Variants in NRXN3 observed in about 807,000 individuals in gnomAD.
The protein encoded by NRXN3 is neurexin III.
Under a neutral mutation model 137.6 loss-of-function variants are expected in NRXN3, and 32 were observed. The observed-to-expected ratio is 0.23, with a 90% CI of 0.18 to 0.31. The LOEUF (loss-of-function observed/expected upper bound fraction) is 0.31. Among genes scored for constraint, NRXN3 ranks in the 10% least tolerant of loss-of-function variants. The pLI is 1.00. For missense variants in NRXN3, 1,574 were observed against 2,062.5 expected (o/e 0.76, Z 4.59); for synonymous variants, 798 against 784.5 (o/e 1.02, Z -0.29).
chr14:79,011,233 G>C (rs1303209798), intron 15 of NRXN3, among the ~76,000 whole-genome samples: 2 of 152,258 alleles, frequency 1.3e-5, no homozygotes, highest in East Asian at 3.9e-4. Flanking sequence ...TAGACACTGA[G>C]AGACTGGAGA....
intron 9 of NRXN3, among the ~76,000 whole-genome samples, chr14:78,804,878 G>A (rs917585910): frequency 6.6e-6 from 1 of 152,200 alleles, no homozygotes; most frequent in Non-Finnish European, 1.5e-5. Context: ...TTCTAAGCTA[G>A]TGAATGTATT....
At chr14:79,202,650 G>C (rs771498096) in intron 15 of NRXN3, among the ~76,000 whole-genome samples, 7 of 152,150 alleles carry the variant, frequency 4.6e-5, no homozygotes, top group Non-Finnish European at 8.8e-5. Context: ...TCCAACCTGA[G>C]TTACGTCATT....
chr14:78,190,232 G>C (rs1424748821), intron 1 of NRXN3, among the ~76,000 whole-genome samples: 1 of 152,162 alleles, frequency 6.6e-6, no homozygotes. Context: ...CCTATCCTCA[G>C]TTCCCTTTCA....
At chr14:79,492,603 G>A (rs966312988) in intron 16 of NRXN3, among the ~76,000 whole-genome samples, 2 of 152,082 alleles carry the variant, frequency 1.3e-5, no homozygotes, top group African/African-American at 4.8e-5. Flanking sequence ...GGATGGTCTC[G>A]AACTCCAGAC....
intron 4 of NRXN3, among the ~76,000 whole-genome samples, chr14:78,537,987 G>A (rs1263116998): frequency 6.6e-6 from 1 of 152,200 alleles, no homozygotes; most frequent in Non-Finnish European, 1.5e-5. Context: ...TTTGGTAACA[G>A]TACCATGCTG....
rs144171078 is a variant in NRXN3 at position 78,765,509 on chromosome 14, T to A, written c.2045-38111T>A. 1.0e-3 allele frequency among the ~76,000 whole-genome samples: 155 copies of A among 152,256 alleles called. 1 individual carries two copies. Among genetic ancestry groups the A allele is most frequent in the African/African-American group, 3.6e-3 (149 of 41,558 alleles). ...CCAAATAATTGCTTCTCTTGGAAGCTACCTTTCACAGGCAGACTTCATAGC... is the reference window on the plus strand; with the variant it reads ...CCAAATAATTGCTTCTCTTGGAAGCAACCTTTCACAGGCAGACTTCATAGC... On this transcript the variant is annotated intron_variant, in intron 8 of 20. Transcript: ENST00000335750.
At chr14:79,194,265 A>G (rs1187701275) in intron 15 of NRXN3, among the ~76,000 whole-genome samples, 2 of 152,204 alleles carry the variant, frequency 1.3e-5, no homozygotes. Flanking sequence ...GCATACATAT[A>G]TCTTCTCTGA....
chr14:78,423,450 G>T (rs2153679784), intron 4 of NRXN3, among the ~76,000 whole-genome samples: 1 of 152,214 alleles, frequency 6.6e-6, no homozygotes, highest in East Asian at 1.9e-4. Context: ...CCACTGCCCG[G>T]TACATTATTT....
intron 19 of NRXN3, among the ~76,000 whole-genome samples, chr14:79,750,320 A>T (rs7144518): frequency 7.9e-5 from 12 of 151,992 alleles, no homozygotes; most frequent in Admixed American, 3.9e-4. Context: ...GTAAACAAGG[A>T]CACATTAAAT....
rs145096742 is a variant in NRXN3 at position 78,527,691 on chromosome 14, A to C, written c.758-117429A>C. ...GCTAGTGGTGGTGAGTGGGAGGCAAATAGGAGAATTAAATAATATAGCAGA... is the reference window on the plus strand; with the variant it reads ...GCTAGTGGTGGTGAGTGGGAGGCAACTAGGAGAATTAAATAATATAGCAGA... On this transcript the variant is annotated intron_variant, in intron 4 of 20. Transcript: ENST00000335750. 2.1e-4 allele frequency among the ~76,000 whole-genome samples: 32 copies of C among 152,320 alleles called. 1 individual carries two copies. The East Asian group carries it at 2.5e-3, about 12-fold the overall frequency.
At chr14:79,709,126 G>A (rs754988111) in intron 19 of NRXN3, among the ~76,000 whole-genome samples, 2 of 152,142 alleles carry the variant, frequency 1.3e-5, no homozygotes, top group Non-Finnish European at 2.9e-5. Context: ...CACGTCCGGG[G>A]TGGTATCTCA....
At chr14:79,645,579 C>A (rs1229646584) in intron 16 of NRXN3, among the ~76,000 whole-genome samples, 1 of 127,262 alleles carries the variant, frequency 7.9e-6, no homozygotes, top group African/African-American at 2.6e-5. Context: ...TGCGCCACTG[C>A]ACTCCAGCTT....
At chr14:78,545,090 A>T (rs1215677143) in intron 4 of NRXN3, among the ~76,000 whole-genome samples, 2 of 152,166 alleles carry the variant, frequency 1.3e-5, no homozygotes, top group Non-Finnish European at 2.9e-5. Flanking sequence ...CTATAGATGT[A>T]ATTTAACCTT....
intron 4 of NRXN3, among the ~76,000 whole-genome samples, chr14:78,437,841 TAATAAATC>T (rs961894133): frequency 1.5e-4 from 23 of 152,294 alleles, no homozygotes; most frequent in Non-Finnish European, 2.6e-4. Context: ...CCTTAACTAA[TAATAAATC>T]AATTAAAAAA....
intron 4 of NRXN3, among the ~76,000 whole-genome samples, chr14:78,467,286 A>G (rs1055428678): frequency 9.8e-5 from 15 of 152,340 alleles, no homozygotes; most frequent in African/African-American, 2.9e-4. Flanking sequence ...AATTGTTTCT[A>G]TTATAATGTT....
chr14:79,116,790 T>G (rs2054521410), intron 15 of NRXN3, among the ~76,000 whole-genome samples: 1 of 152,196 alleles, frequency 6.6e-6, no homozygotes, highest in South Asian at 2.1e-4. Flanking sequence ...CCTGTTGTCT[T>G]GATAATATTT....
At chr14:78,209,821 A>AAAT (rs1339249932) in intron 1 of NRXN3, among the ~76,000 whole-genome samples, 1 of 152,182 alleles carries the variant, frequency 6.6e-6, no homozygotes, top group Non-Finnish European at 1.5e-5. Flanking sequence ...CCTTTGTTTT[A>AAAT]AATTGCAGTC....
chr14:79,109,939 C>A (rs909215155), intron 15 of NRXN3, among the ~76,000 whole-genome samples: 1 of 151,884 alleles, frequency 6.6e-6, no homozygotes, highest in Non-Finnish European at 1.5e-5. Flanking sequence ...TACTAACAAC[C>A]ATGCACTTGT....
At chr14:79,580,233 C>G (rs1433909005) in intron 16 of NRXN3, among the ~76,000 whole-genome samples, 1 of 152,108 alleles carries the variant, frequency 6.6e-6, no homozygotes, top group African/African-American at 2.4e-5. Flanking sequence ...GCTGTTGTGA[C>G]TAGTGCTGCA....
Sources: gnomAD v4.1 joint callset for allele counts (sites outside exome capture counted in the v4.1 genomes callset) on GRCh38, gnomAD v4.1.1 for gene constraint, MANE v1.5 for transcripts, NCBI Gene and HGNC (gene_info 2026-07-23, HGNC 2026-07-21) for gene names.